The following SCN1A variants were observed in gnomAD, a reference collection of about 807,000 sequenced individuals.
SCN1A encodes the protein sodium voltage-gated channel alpha subunit 1, also known as sodium channel protein type 1 subunit alpha.
Under a neutral mutation model 193.7 loss-of-function variants are expected in SCN1A, and 13 were observed. The observed-to-expected ratio is 0.07, with a 90% CI of 0.04 to 0.11. The LOEUF (loss-of-function observed/expected upper bound fraction) is 0.11, where lower values mean the gene tolerates loss of function less well. Ranked by LOEUF, SCN1A falls within the 10% of genes least tolerant of loss-of-function variation. The probability of loss-of-function intolerance (pLI) is 1.00; values close to 1 mark genes in which losing one functional copy is unlikely to be tolerated. For synonymous variants in SCN1A, 781 were observed against 843.6 expected (o/e 0.93, Z 1.29); for missense variants, 1,432 against 2,451.1 (o/e 0.58, Z 8.78).
At chr2:165,998,197 T>C in intron 25 of SCN1A, 22 bp from the exon 26 acceptor site, 1 of 1,588,580 alleles carries the variant, frequency 6.3e-7, no homozygotes, top group Non-Finnish European at 8.6e-7. Flanking sequence ...GAATATTTTG[T>C]AAAATATTAC....
intron 2 of SCN1A, among the ~76,000 whole-genome samples, chr2:166,084,872 C>G (rs1187503041): frequency 6.6e-6 from 1 of 152,080 alleles, no homozygotes; most frequent in Non-Finnish European, 1.5e-5. Flanking sequence ...AAATTTGCTC[C>G]TTATTATTAA....
At chr2:166,111,077 T>C (rs1689244609) in intron 2 of SCN1A, among the ~76,000 whole-genome samples, 1 of 152,146 alleles carries the variant, frequency 6.6e-6, no homozygotes, top group Non-Finnish European at 1.5e-5. Flanking sequence ...GAGAACAGAC[T>C]AATACAATCA....
chr2:166,053,103 G>A (rs1330727039), intron 7 of SCN1A, 160 bp from the exon 8 acceptor site: 2 of 1,320,048 alleles, frequency 1.5e-6, no homozygotes, highest in South Asian at 2.4e-5. Context: ...CTGAAAAATT[G>A]CCTAGGTTTA....
At chr2:165,996,199 TA>T in intron 26 of SCN1A, 82 bp from the exon 27 acceptor site, 4 of 842,204 alleles carry the variant, frequency 4.7e-6, no homozygotes, top group Non-Finnish European at 7.8e-6. Context: ...AATGGATGGC[TA>T]AAAAAAGAAA....
At chr2:166,132,009 A>G (rs1691679456), upstream of SCN1A, among the ~76,000 whole-genome samples, 1 of 152,186 alleles carries the variant, frequency 6.6e-6, no homozygotes, top group Non-Finnish European at 1.5e-5. Flanking sequence ...ATCTATAGTC[A>G]CTGAGCAACA....
chr2:166,124,069 T>C (rs1487903717), intron 2 of SCN1A, among the ~76,000 whole-genome samples: 1 of 152,192 alleles, frequency 6.6e-6, no homozygotes, highest in Non-Finnish European at 1.5e-5. Flanking sequence ...TATCTTGCAG[T>C]ATTTTTCTTC....
upstream of SCN1A, among the ~76,000 whole-genome samples, chr2:166,130,054 G>T (rs1316965196): frequency 6.6e-6 from 1 of 152,210 alleles, no homozygotes; most frequent in East Asian, 1.9e-4. Flanking sequence ...GGAGGAAGAA[G>T]TGACAAAAGA....
At chr2:166,079,130 T>C (rs1685248441) in intron 2 of SCN1A, among the ~76,000 whole-genome samples, 2 of 151,664 alleles carry the variant, frequency 1.3e-5, no homozygotes, top group African/African-American at 4.8e-5. Flanking sequence ...ATCTTATTTC[T>C]TATCTTATGT....
Position 165,989,420 on chromosome 2 carries a change from G to A in SCN1A, c.*1825C>T, listed in dbSNP as rs1050723825. 6.6e-6 allele frequency: 1 copy of A among 152,224 alleles called. No individual in the cohort carries two copies. The highest frequency in any genetic ancestry group is 1.5e-5 in the Non-Finnish European group (1 of 67,988). The allele number at this position is 152,224 out of a possible 1,614,324, so 9.4% of individuals were successfully genotyped here. A position where few individuals can be genotyped will look rare whatever the true frequency, so the allele number is the denominator to read the frequency against. ...ATTCTATTTAGAACAATCTAGAGCA[G>A]CATTACTCCAAAGAAATGAAAACAT... On this transcript the variant is annotated 3_prime_UTR_variant, in exon 29 of 29. Transcript: ENST00000674923.
chr2:166,134,059 G>A (rs954676821), intron 1 of SCN1A, among the ~76,000 whole-genome samples: 1 of 152,046 alleles, frequency 6.6e-6, no homozygotes, highest in African/African-American at 2.4e-5. Context: ...CAAAACCCTG[G>A]AGTAGAATAA....
Position 165,991,642 on chromosome 2 carries a change from T to C in SCN1A, c.5633A>G (p.Glu1878Gly). ...LFAFTKRVLG[E>G]SGEMDALRIQ... is the part of the protein sequence containing the mutation. ...TCGTAGAGCATCCATCTCTCCACTC[T>C]CTCCTAGAACCCGCTTTGTAAAAGC... The change falls in exon 29 of 29, where the codon GAG (glutamate) becomes GGG (glycine). Residue 1878 changes from glutamate to glycine, a missense_variant. Physicochemically the swap from Glu to Gly is moderately conservative, Grantham distance 98. Transcript: ENST00000674923. The C allele has an allele frequency of 6.2e-7, 1 of 1,613,856 alleles. No individual in the cohort carries two copies.
intron 13 of SCN1A, 24 bp from the exon 14 acceptor site, chr2:166,044,073 A>G: frequency 2.5e-6 from 4 of 1,613,406 alleles, no homozygotes; most frequent in Non-Finnish European, 3.4e-6. Flanking sequence ...AGAGCAAACA[A>G]ATAAAGTCAT....
At position 166,073,286 on chromosome 2, in the gene SCN1A, G is replaced by C. The variant is rs541294454; in HGVS notation, c.264+72C>G. 1.9e-6 allele frequency: 3 copies of C among 1,569,344 alleles called. No homozygotes were observed. In the East Asian group the frequency reaches 6.7e-5, roughly 35 times the overall value. ...AAGATTTTGTGCTAATTTGGCATGT[G>C]TTGGTGCTACAACAGTCCAAGGAAT... On this transcript the variant is annotated intron_variant, in intron 4 of 28. Coordinates refer to ENST00000674923, the MANE Select transcript of SCN1A (RefSeq NM_001165963.4).
At chr2:166,119,557 A>G (rs768083840) in intron 2 of SCN1A, among the ~76,000 whole-genome samples, 2 of 152,216 alleles carry the variant, frequency 1.3e-5, no homozygotes, top group African/African-American at 2.4e-5. Context: ...TTTTATAAAT[A>G]TAAGATAAAT....
intron 2 of SCN1A, among the ~76,000 whole-genome samples, chr2:166,115,993 T>G (rs1689813432): frequency 6.6e-6 from 1 of 152,190 alleles, no homozygotes; most frequent in South Asian, 2.1e-4. Flanking sequence ...AGCAAAGACC[T>G]AGAGATAGAA....
chr2:166,048,878 T>C lies in SCN1A; in HGVS notation c.1028+8A>G. ...ATATACACAGATACACACAAATTAT[T>C]GACTTACCCTGCATCAGAGCTATTT... is the stretch of plus-strand genomic sequence containing the variant. On this transcript the variant is annotated splice_region_variant and intron_variant, in intron 10 of 28. Transcript: ENST00000674923. 6.4e-7 allele frequency: 1 copy of C among 1,564,766 alleles called. No individual in the cohort carries two copies. The highest frequency in any genetic ancestry group is 8.8e-7 in the Non-Finnish European group (1 of 1,135,706).
chr2:166,109,384 A>T (rs897081343), intron 2 of SCN1A: 4 of 152,328 alleles, frequency 2.6e-5, no homozygotes, highest in Admixed American at 2.6e-4. Flanking sequence ...AAGAAGTAAC[A>T]AGTGCCATCT....
chr2:166,035,497 A>G (rs1696209548), intron 19 of SCN1A, among the ~76,000 whole-genome samples: 2 of 152,226 alleles, frequency 1.3e-5, no homozygotes, highest in African/African-American at 4.8e-5. Flanking sequence ...TACAGGCAAT[A>G]TAATGCATGT....
At chr2:166,047,019 C>G (rs372706954) in intron 11 of SCN1A, 43 bp from the exon 12 acceptor site, 5 of 1,603,562 alleles carry the variant, frequency 3.1e-6, no homozygotes, top group Middle Eastern at 1.7e-4. Context: ...TATTATTTCA[C>G]TAAGTGGTGG....
Sources: allele counts gnomAD v4.1 joint callset (sites outside exome capture counted in the v4.1 genomes callset), GRCh38; gene constraint gnomAD v4.1.1; transcripts MANE v1.5; gene names NCBI Gene and HGNC (gene_info 2026-07-23, HGNC 2026-07-21).